The following CFAP47 variants were observed in gnomAD, a reference collection of about 807,000 sequenced individuals.
CFAP47 encodes the protein cilia and flagella associated protein 47.
In CFAP47, 29 loss-of-function variants were observed where a neutral mutation model predicts 148.1. The observed-to-expected ratio is 0.20, with a 90% CI of 0.15 to 0.27. The LOEUF (loss-of-function observed/expected upper bound fraction) is 0.27, where lower values mean the gene tolerates loss of function less well. CFAP47 is among the 10% of genes least tolerant of loss of function. CFAP47 has a pLI of 1.00. For synonymous variants in CFAP47, 664 were observed against 577.3 expected (o/e 1.15, Z -2.15); for missense variants, 1,872 against 1,697.5 (o/e 1.10, Z -1.81).
chrX:36,112,145 T>A (rs1224611277), intron 33 of CFAP47, among the ~76,000 whole-genome samples: 1 of 111,547 alleles, frequency 9.0e-6, no homozygotes, highest in Admixed American at 9.6e-5. Flanking sequence ...CTTCTGATAG[T>A]TTTGGGGTTT....
chrX:36,279,239 C>A (rs1397889294), intron 49 of CFAP47, among the ~76,000 whole-genome samples: 2 of 111,266 alleles, frequency 1.8e-5, no homozygotes, highest in African/African-American at 6.5e-5. Context: ...ATATGCGTTT[C>A]ATTTCAAGTT....
At chrX:35,999,728 A>G (rs1936892634) in intron 19 of CFAP47, among the ~76,000 whole-genome samples, 1 of 111,973 alleles carries the variant, frequency 8.9e-6, no homozygotes, top group African/African-American at 3.2e-5. Flanking sequence ...AAAAGGGTGA[A>G]GACACAGAAG....
chrX:35,951,355 A>T lies in CFAP47; in HGVS notation c.881A>T (p.Glu294Val), dbSNP rs755784100. 7 of 1,156,985 alleles carry T rather than the reference A, an allele frequency of 6.1e-6. No individual in the cohort carries two copies. In the South Asian group the frequency reaches 1.1e-4, roughly 18 times the overall value. Residue 294 changes from glutamate (E) to valine (V), a missense_variant, in exon 5 of 64, where the codon GAA becomes GTA. Transcript: ENST00000378653. ...AIIQDDAVGE[E>V]LGTDIQQRTD... Reference sequence around the variant, plus strand: ...ATACAAGATGATGCCGTGGGAGAAGAATTGGTAAGTAAGTGGTGCGACAGG... The same window carrying T: ...ATACAAGATGATGCCGTGGGAGAAGTATTGGTAAGTAAGTGGTGCGACAGG...
At chrX:36,229,560 TGTA>T (rs1220967944) in intron 46 of CFAP47, among the ~76,000 whole-genome samples, 7 of 111,603 alleles carry the variant, frequency 6.3e-5, no homozygotes, top group African/African-American at 2.0e-4. Flanking sequence ...AGAAAGAACA[TGTA>T]GTCATCATTA....
chrX:36,019,975 G>A (rs1288196547), intron 22 of CFAP47, among the ~76,000 whole-genome samples: 1 of 110,298 alleles, frequency 9.1e-6, no homozygotes, highest in African/African-American at 3.3e-5. Context: ...ACTAATTCTG[G>A]TTTGTTCTTG....
At position 36,229,714 on chromosome X, in the gene CFAP47, T is replaced by C. The variant is rs1054833000; in HGVS notation, c.7014+890T>C. ...CATGCTGGTGTGCTGCACCCATTAA[T>C]TCGTCATTTAGCATTAGGTATATCT... On this transcript the variant is annotated intron_variant, in intron 46 of 63. Coordinates refer to ENST00000378653, the MANE Select transcript of CFAP47 (RefSeq NM_001304548.2). 3.7e-5 allele frequency among the ~76,000 whole-genome samples: 4 copies of C among 108,318 alleles called. No homozygotes were observed. In the Admixed American group the frequency reaches 4.0e-4, roughly 11 times the overall value. The allele number at this position is 108,318 out of a possible 115,157, so 94.1% of individuals were successfully genotyped here.
intron 59 of CFAP47, among the ~76,000 whole-genome samples, chrX:36,352,199 C>T (rs1238491797): frequency 9.0e-6 from 1 of 111,071 alleles, no homozygotes; most frequent in Non-Finnish European, 1.9e-5. Context: ...CTCTAGGACA[C>T]AACCAGTGAC....
At chrX:36,270,904 G>A (rs191890510) in intron 49 of CFAP47, among the ~76,000 whole-genome samples, 124 of 108,617 alleles carry the variant, frequency 1.1e-3, no homozygotes, top group African/African-American at 3.9e-3. Flanking sequence ...TACATGAATC[G>A]GAAAGAAGCA....
At position 36,196,722 on chromosome X, in the gene CFAP47, A is replaced by G. The variant is rs898707336; in HGVS notation, c.6322-3657A>G. ...AATATCTTCTGTAAAAGTTTCTTAT[A>G]ATTGACAATGAGCTTTGGCATCTTT... On this transcript the variant is annotated intron_variant, in intron 42 of 63. Transcript: ENST00000378653. Among the ~76,000 whole-genome samples the G allele has an allele frequency of 4.4e-4, 49 of 111,619 alleles. 1 individual carries two copies. Among genetic ancestry groups the G allele is most frequent in the African/African-American group, 1.5e-3 (47 of 30,727 alleles).
chrX:36,154,955 C>A (rs909361997), intron 37 of CFAP47, among the ~76,000 whole-genome samples: 1 of 110,993 alleles, frequency 9.0e-6, no homozygotes, highest in Non-Finnish European at 1.9e-5. Flanking sequence ...GCTGCTATAA[C>A]AATAAACCAT....
At chrX:35,987,991 A>G (rs981681268) in intron 15 of CFAP47, among the ~76,000 whole-genome samples, 45 of 111,297 alleles carry the variant, frequency 4.0e-4, no homozygotes, top group African/African-American at 1.4e-3. Context: ...TTGGGAATGC[A>G]GAAATCACCC....
At chrX:36,263,058 G>T (rs1556000457) in intron 49 of CFAP47, among the ~76,000 whole-genome samples, 1 of 111,851 alleles carries the variant, frequency 8.9e-6, no homozygotes, top group African/African-American at 3.2e-5. Context: ...ATTTTTATCA[G>T]ATTATTAGTT....
intron 46 of CFAP47, among the ~76,000 whole-genome samples, chrX:36,234,110 G>A (rs1451971180): frequency 1.8e-5 from 2 of 108,137 alleles, no homozygotes; most frequent in African/African-American, 6.7e-5. Flanking sequence ...TGCTCTTCTC[G>A]AGGAGTATCT....
At chrX:36,378,880 C>G (rs782232522) in intron 62 of CFAP47, among the ~76,000 whole-genome samples, 49 of 110,834 alleles carry the variant, frequency 4.4e-4, no homozygotes, top group Non-Finnish European at 8.7e-4. Flanking sequence ...GGCATGATCT[C>G]AGCTCACTGC....
At chrX:35,922,282 C>T (rs1160521119) in intron 1 of CFAP47, among the ~76,000 whole-genome samples, 2 of 111,907 alleles carry the variant, frequency 1.8e-5, no homozygotes, top group African/African-American at 6.5e-5. Context: ...TTATTTTATC[C>T]CCAAATTATT....
intron 18 of CFAP47, among the ~76,000 whole-genome samples, chrX:35,994,906 C>T (rs2146686847): frequency 9.0e-6 from 1 of 111,091 alleles, no homozygotes; most frequent in African/African-American, 3.3e-5. Context: ...TCTTTGATGT[C>T]AAAGAGCCTA....
chrX:36,117,964 T>G (rs1294937425), intron 33 of CFAP47, among the ~76,000 whole-genome samples: 1 of 111,969 alleles, frequency 8.9e-6, no homozygotes, highest in Non-Finnish European at 1.9e-5. Flanking sequence ...CATATAGATA[T>G]CCACTTTTTT....
chrX:36,215,899 T>C (rs142110717), intron 45 of CFAP47, among the ~76,000 whole-genome samples: 11 of 111,918 alleles, frequency 9.8e-5, no homozygotes, highest in African/African-American at 3.2e-4. Flanking sequence ...ACTAGGGATG[T>C]TGCCCCCTAA....
chrX:36,312,540 C>T (rs1259881317), intron 56 of CFAP47, among the ~76,000 whole-genome samples: 2 of 111,222 alleles, frequency 1.8e-5, no homozygotes, highest in African/African-American at 3.3e-5. Context: ...GCATACAAGG[C>T]GTATCAATGG....
Sources: gnomAD v4.1 joint callset for allele counts (sites outside exome capture counted in the v4.1 genomes callset) on GRCh38, gnomAD v4.1.1 for gene constraint, MANE v1.5 for transcripts, NCBI Gene and HGNC (gene_info 2026-07-23, HGNC 2026-07-21) for gene names.